CHODL: variants seen among roughly 807,000 people sequenced by gnomAD.
CHODL encodes the protein chondrolectin.
CHODL carries 29 observed loss-of-function variants against 34.5 expected under a neutral mutation model. The ratio of observed to expected loss-of-function variants is 0.84; its 90% confidence interval spans 0.63 to 1.15. The LOEUF is 1.15. Among genes scored for constraint, CHODL ranks in the 50% most tolerant of loss-of-function variants. The pLI is 0.00. For synonymous variants in CHODL, 125 were observed against 116.1 expected, an observed-to-expected ratio of 1.08 and a Z score of -0.49; for missense variants, 332 against 332.5, an observed-to-expected ratio of 1.00 and a Z score of 0.01.
At chr21:18,233,682 TA>T (rs1021381625) in intron 2 of CHODL, among the ~76,000 whole-genome samples, 1 of 151,958 alleles carries the variant, frequency 6.6e-6, no homozygotes, top group South Asian at 2.1e-4. Flanking sequence ...GGCCTTTTTT[TA>T]AAAAAAATAA....
At chr21:18,044,230 G>T (rs1039858508) in intron 2 of CHODL, among the ~76,000 whole-genome samples, 1 of 151,962 alleles carries the variant, frequency 6.6e-6, no homozygotes, top group Non-Finnish European at 1.5e-5. Context: ...ATATATGCAT[G>T]TATGAGCTAC....
Position 18,156,695 on chromosome 21 carries a change from C to T in CHODL, c.-44-99814C>T, listed in dbSNP as rs17002411. ...TATGGTGAGCCTGTTTCTTCCACGACGATTGCCATGAAACAAACCAACCCA... is the reference window on the plus strand; with the variant it reads ...TATGGTGAGCCTGTTTCTTCCACGATGATTGCCATGAAACAAACCAACCCA... On this transcript the variant is annotated intron_variant, in intron 2 of 6. Coordinates refer to the CHODL transcript ENST00000400127. Among the ~76,000 whole-genome samples the T allele has an allele frequency of 3.2e-3, 485 of 152,212 alleles. 2 individuals carry two copies. Among genetic ancestry groups the T allele is most frequent in the African/African-American group, 0.01 (426 of 41,528 alleles).
At chr21:18,180,730 A>G (rs1219587205) in intron 2 of CHODL, among the ~76,000 whole-genome samples, 1 of 152,204 alleles carries the variant, frequency 6.6e-6, no homozygotes, top group East Asian at 1.9e-4. Context: ...TTTTAAAACT[A>G]GTTACACATA....
intron 2 of CHODL, among the ~76,000 whole-genome samples, chr21:18,227,519 ATGAT>A (rs1335620450): frequency 6.6e-6 from 1 of 152,188 alleles, no homozygotes; most frequent in East Asian, 1.9e-4. Flanking sequence ...GAAGACAAAC[ATGAT>A]CATTAAACTA....
intron 2 of CHODL, among the ~76,000 whole-genome samples, chr21:18,191,697 A>G (rs2073512582): frequency 6.6e-6 from 1 of 152,186 alleles, no homozygotes; most frequent in South Asian, 2.1e-4. Context: ...AAGAAGTCAG[A>G]GTCACAGAAG....
intron 1 of CHODL, among the ~76,000 whole-genome samples, chr21:17,993,658 A>T (rs2063819770): frequency 6.6e-6 from 1 of 152,234 alleles, no homozygotes. Context: ...TGCTATTGAG[A>T]ATAGTGCCAC....
chr21:18,088,520 G>A (rs1434209071), intron 2 of CHODL, among the ~76,000 whole-genome samples: 1 of 152,126 alleles, frequency 6.6e-6, no homozygotes, highest in Non-Finnish European at 1.5e-5. Flanking sequence ...AGTGGGTCAA[G>A]GGTTTTTCTT....
intron 1 of CHODL, among the ~76,000 whole-genome samples, chr21:18,253,558 A>G (rs2074282522): frequency 6.6e-6 from 1 of 152,156 alleles, no homozygotes; most frequent in Non-Finnish European, 1.5e-5. Flanking sequence ...TACAAGCTTA[A>G]TGGCATTGTT....
chr21:17,983,402 G>A (rs551086283), intron 1 of CHODL, among the ~76,000 whole-genome samples: 5 of 152,106 alleles, frequency 3.3e-5, no homozygotes, highest in Non-Finnish European at 5.9e-5. Context: ...TCTAAAAATG[G>A]TATTTTTCTA....
intron 2 of CHODL, among the ~76,000 whole-genome samples, chr21:18,165,124 T>C (rs990244289): frequency 2.6e-5 from 4 of 152,176 alleles, no homozygotes; most frequent in Non-Finnish European, 5.9e-5. Flanking sequence ...TCACTAGATG[T>C]CAGTAGTGTT....
intron 2 of CHODL, among the ~76,000 whole-genome samples, chr21:18,193,423 C>T (rs1251504305): frequency 2.6e-5 from 4 of 151,886 alleles, no homozygotes; most frequent in Non-Finnish European, 4.4e-5. Flanking sequence ...TGGCTAGGTG[C>T]GGTGGCTCAC....
At chr21:18,122,291 C>T (rs2065489539) in intron 2 of CHODL, among the ~76,000 whole-genome samples, 1 of 151,934 alleles carries the variant, frequency 6.6e-6, no homozygotes. Context: ...TTTTTAAAAC[C>T]TTTTAATATC....
At chr21:18,184,284 C>T (rs2073415224) in intron 2 of CHODL, among the ~76,000 whole-genome samples, 1 of 152,036 alleles carries the variant, frequency 6.6e-6, no homozygotes. Context: ...AAATACATAT[C>T]TGTAATTTTG....
chr21:18,118,259 T>C (rs904731760), intron 2 of CHODL, among the ~76,000 whole-genome samples: 2 of 152,174 alleles, frequency 1.3e-5, no homozygotes, highest in Admixed American at 1.3e-4. Flanking sequence ...GTTTAGGTAC[T>C]CTGAGAGATG....
rs532043554 is a variant in CHODL, at chr21:18,196,089, A to G, written c.-44-60420A>G. Among the ~76,000 whole-genome samples, 49 of 152,348 alleles carry G rather than the reference A, an allele frequency of 3.2e-4. 1 individual carries two copies. The South Asian group carries it at 6.8e-3, about 21-fold the overall frequency. On this transcript the variant is annotated intron_variant, in intron 2 of 6. Coordinates refer to the CHODL transcript ENST00000400127. ...TCCAAGGTGCTTTCCAGCTCTACAT[A>G]TGTACATTTCATAAATAAATGTGAA... is the stretch of plus-strand genomic sequence containing the variant.
chr21:18,060,328 G>A (rs1159361066), intron 2 of CHODL, among the ~76,000 whole-genome samples: 1 of 151,924 alleles, frequency 6.6e-6, no homozygotes, highest in East Asian at 1.9e-4. Context: ...GGTGGTGCAC[G>A]TCTGTGGTCC....
intron 2 of CHODL, among the ~76,000 whole-genome samples, chr21:18,187,028 A>G (rs927029525): frequency 6.6e-6 from 1 of 152,200 alleles, no homozygotes; most frequent in African/African-American, 2.4e-5. Context: ...TCATATAACT[A>G]ACAGTAAAAG....
Position 18,120,207 on chromosome 21 carries a change from CAT to C in CHODL, c.-45+92238_-45+92239del, listed in dbSNP as rs1329014658. 3.3e-5 allele frequency among the ~76,000 whole-genome samples: 5 copies of C among 152,230 alleles called. No individual in the cohort carries two copies. The East Asian group carries it at 9.7e-4, about 29-fold the overall frequency. On this transcript the variant is annotated intron_variant, in intron 2 of 6. Transcript: ENST00000400127. ...GTATAAATTATTGAGCTATGTCCAA[CAT>C]AAAGTTATTTTCTGACTTGTGCAGA...
chr21:18,255,418 A>G (rs930955229), intron 1 of CHODL, among the ~76,000 whole-genome samples: 3 of 152,118 alleles, frequency 2.0e-5, no homozygotes, highest in Admixed American at 1.3e-4. Flanking sequence ...AGAGGAAGAC[A>G]TTGTTATTTC....
Sources: gnomAD v4.1 joint callset for allele counts (sites outside exome capture counted in the v4.1 genomes callset) on GRCh38, gnomAD v4.1.1 for gene constraint, MANE v1.5 for transcripts, NCBI Gene and HGNC (gene_info 2026-07-23, HGNC 2026-07-21) for gene names.